The following CKAP2L variants were observed in gnomAD, a reference collection of about 807,000 sequenced individuals.
The protein encoded by CKAP2L is cytoskeleton-associated protein 2-like.
CKAP2L carries 42 observed loss-of-function variants against 65.7 expected under a neutral mutation model. That is an observed-to-expected ratio of 0.64 (90% confidence interval 0.50 to 0.83). CKAP2L has a LOEUF of 0.83. CKAP2L is among the 40% of genes least tolerant of loss of function. The pLI, the probability that CKAP2L is intolerant of heterozygous loss-of-function variation, is 0.00. For synonymous variants in CKAP2L, 325 were observed against 313.5 expected (o/e 1.04, Z -0.39); for missense variants, 908 against 871.0 (o/e 1.04, Z -0.53).
At chr2:112,740,754 A>G (rs919640636) in intron 8 of CKAP2L, 64 bp downstream of exon 8, 2 of 1,380,532 alleles carry the variant, frequency 1.4e-6, no homozygotes, top group Admixed American at 3.7e-5. Context: ...TCTGTGAAGG[A>G]AAAATCGAGA....
chr2:112,747,031 C>T (rs6755922), intron 5 of CKAP2L, among the ~76,000 whole-genome samples: 2,194 of 151,958 alleles, frequency 0.014, 46 homozygotes, highest in African/African-American at 0.05. Flanking sequence ...CCTCGTGATC[C>T]GCCCACCTCA....
At chr2:112,747,606 C>T (rs1209088532) in intron 5 of CKAP2L, among the ~76,000 whole-genome samples, 1 of 151,982 alleles carries the variant, frequency 6.6e-6, no homozygotes, top group African/African-American at 2.4e-5. Flanking sequence ...TGGCTTGTGC[C>T]GTAAGCAGGA....
intron 8 of CKAP2L, among the ~76,000 whole-genome samples, chr2:112,739,316 G>C (rs1243176693): frequency 1.3e-5 from 2 of 152,104 alleles, no homozygotes; most frequent in African/African-American, 4.8e-5. Flanking sequence ...AGCTACTCAG[G>C]AGGGTGAAGT....
In CKAP2L at chr2:112,736,926, T is replaced by C. The variant is rs575282409; in HGVS notation, c.*1897A>G. The C allele has an allele frequency of 7.9e-4, 120 of 151,350 alleles. No individual in the cohort carries two copies. Among genetic ancestry groups the C allele is most frequent in the African/African-American group, 2.9e-3 (118 of 40,648 alleles). 9.4% of individuals were successfully genotyped at this position (151,350 alleles called of 1,614,324 possible). On this transcript the variant is annotated 3_prime_UTR_variant, in exon 9 of 9. Transcript: ENST00000302450. ...TGCAGATATCTTTATGAGGTGATGA[T>C]TTCATCTTTTTTTTTTTTGAGATGG...
At chr2:112,744,332 A>T (rs961797193) in intron 6 of CKAP2L, among the ~76,000 whole-genome samples, 18 of 152,246 alleles carry the variant, frequency 1.2e-4, no homozygotes, top group African/African-American at 4.3e-4. Flanking sequence ...GATCTACTTG[A>T]GAGAGTTGAA....
intron 7 of CKAP2L, chr2:112,742,365 A>G (rs1680036266): frequency 1.4e-6 from 1 of 717,194 alleles, no homozygotes; most frequent in African/African-American, 1.7e-5. Context: ...TGGTGGGTTT[A>G]TTATGATTAA....
At chr2:112,741,736 CAT>C (rs1375387868) in intron 7 of CKAP2L, among the ~76,000 whole-genome samples, 1 of 152,120 alleles carries the variant, frequency 6.6e-6, no homozygotes, top group Non-Finnish European at 1.5e-5. Context: ...TACTTAGCTA[CAT>C]GACTTGATTG....
chr2:112,741,127 A>G (rs1363678361), intron 7 of CKAP2L, 120 bp from the exon 8 acceptor site: 6 of 702,574 alleles, frequency 8.5e-6, no homozygotes, highest in East Asian at 7.7e-5. Context: ...TGGGCTCCAC[A>G]TACTGAATAG....
At chr2:112,748,096 C>T (rs1326729867) in intron 5 of CKAP2L, among the ~76,000 whole-genome samples, 2 of 152,162 alleles carry the variant, frequency 1.3e-5, no homozygotes, top group Non-Finnish European at 2.9e-5. Context: ...CAATATCCAT[C>T]TAAGAGAGTT....
intron 8 of CKAP2L, among the ~76,000 whole-genome samples, chr2:112,739,788 G>C (rs911896379): frequency 6.6e-6 from 1 of 152,124 alleles, no homozygotes; most frequent in African/African-American, 2.4e-5. Context: ...TCAAGCTGGT[G>C]GGAGCACAAA....
In CKAP2L at chr2:112,756,416, G is replaced by C. The variant is rs200765044; in HGVS notation, c.955C>G (p.Arg319Gly). 30 of 1,613,856 alleles carry C rather than the reference G, an allele frequency of 1.9e-5. No homozygotes were observed. In the East Asian group the frequency reaches 6.5e-4, roughly 35 times the overall value. The change falls in exon 4 of 9, where the codon CGG (arginine) becomes GGG (glycine). Residue 319 changes from arginine (R) to glycine (G), a missense_variant. Transcript: ENST00000302450. Reference protein sequence around the residue: ...QYERPNETKIRSYPVTEQRVK... With the variant: ...QYERPNETKIGSYPVTEQRVK... ...CTCTGTTCAGTAACAGGGTATGACC[G>C]TATCTTAGTTTCATTTGGTCTTTCA...
chr2:112,747,114 A>C (rs1680226730), intron 5 of CKAP2L, among the ~76,000 whole-genome samples: 1 of 145,852 alleles, frequency 6.9e-6, no homozygotes, highest in Admixed American at 6.8e-5. Flanking sequence ...TTTTTGAGAC[A>C]AGGTCTTACT....
In CKAP2L at chr2:112,741,023, C is replaced by A. The variant is rs1312716470; in HGVS notation, c.1823-16G>T. 6.4e-7 allele frequency: 1 copy of A among 1,551,486 alleles called. No homozygotes were observed. The highest frequency in any genetic ancestry group is 8.8e-7 in the Non-Finnish European group (1 of 1,131,676). ...GAAGTAATCCCTGTGTATGTAAGAT[C>A]ATGAAGGAAAGTAAGATTTACCAAT... is the stretch of plus-strand genomic sequence containing the variant. On this transcript the variant is annotated splice_polypyrimidine_tract_variant and intron_variant, in intron 7 of 8. Coordinates refer to ENST00000302450, the MANE Select transcript of CKAP2L (RefSeq NM_152515.5).
intron 1 of CKAP2L, chr2:112,764,158 G>C (rs1026015336): frequency 2.3e-4 from 55 of 239,414 alleles, no homozygotes; most frequent in South Asian, 1.2e-3. Flanking sequence ...CCGGGCTTCG[G>C]CCAGACCCCG....
At chr2:112,741,052 A>C in intron 7 of CKAP2L, 45 bp from the exon 8 acceptor site, 1 of 1,291,396 alleles carries the variant, frequency 7.7e-7, no homozygotes, top group Non-Finnish European at 1.1e-6. Context: ...TACCAATTTA[A>C]TACTTCAACT....
At chr2:112,744,350 C>A (rs1226623097) in intron 6 of CKAP2L, among the ~76,000 whole-genome samples, 1 of 152,144 alleles carries the variant, frequency 6.6e-6, no homozygotes, top group Non-Finnish European at 1.5e-5. Flanking sequence ...GAATCCCAAG[C>A]TGGCAGTGTG....
At chr2:112,758,255 T>C (rs1680603034) in intron 3 of CKAP2L, among the ~76,000 whole-genome samples, 1 of 152,200 alleles carries the variant, frequency 6.6e-6, no homozygotes, top group South Asian at 2.1e-4. Context: ...AGAATTCATA[T>C]GGTAAGTAAT....
intron 3 of CKAP2L, among the ~76,000 whole-genome samples, chr2:112,759,104 T>C (rs1414279081): frequency 1.3e-5 from 2 of 152,192 alleles, no homozygotes; most frequent in Non-Finnish European, 2.9e-5. Context: ...AAAATTAACT[T>C]TTTTAGAGCA....
intron 5 of CKAP2L, among the ~76,000 whole-genome samples, chr2:112,751,156 A>G (rs891188382): frequency 6.6e-6 from 1 of 152,220 alleles, no homozygotes; most frequent in African/African-American, 2.4e-5. Flanking sequence ...ACCTTCAAAA[A>G]ATAAAAATAA....
Sources: allele counts gnomAD v4.1 joint callset (sites outside exome capture counted in the v4.1 genomes callset), GRCh38; gene constraint gnomAD v4.1.1; transcripts MANE v1.5; gene names NCBI Gene and HGNC (gene_info 2026-07-23, HGNC 2026-07-21).